The following DOCK8 variants were observed in gnomAD, a reference collection of about 807,000 sequenced individuals.
The protein encoded by DOCK8 is dedicator of cytokinesis protein 8.
DOCK8 carries 141 observed loss-of-function variants against 245.6 expected under a neutral mutation model. That is an observed-to-expected ratio of 0.57 (90% CI 0.50 to 0.66). The LOEUF is 0.66. Among genes scored for constraint, DOCK8 ranks in the 30% least tolerant of loss-of-function variants. The probability of loss-of-function intolerance (pLI) is 0.00; values close to 1 mark genes in which losing one functional copy is unlikely to be tolerated. For synonymous variants in DOCK8, 1,168 were observed against 970.2 expected (o/e 1.20, Z -3.79); for missense variants, 2,965 against 2,603.4 (o/e 1.14, Z -3.02).
At position 446,221 on chromosome 9, in the gene DOCK8, G is replaced by C. The variant is rs956337403; in HGVS notation, c.5581-149G>C. The C allele has an allele frequency of 2.0e-5, 15 of 743,576 alleles. No homozygotes were observed. The Admixed American group carries it at 2.1e-4, about 10-fold the overall frequency. 46.1% of individuals were successfully genotyped at this position (743,576 alleles called of 1,614,324 possible). ...TTGGGGGTGGAGAGGAGGAACTTCT[G>C]CTGGCCACATTCTCCCCTGCATCTG... On this transcript the variant is annotated intron_variant, in intron 43 of 47. Transcript: ENST00000432829.
intron 1 of DOCK8, among the ~76,000 whole-genome samples, chr9:219,774 G>A (rs575307): frequency 0.53 from 79,768 of 151,854 alleles, 21,620 homozygotes; most frequent in East Asian, 0.74. Context: ...GCTTGCACCT[G>A]TAGTCCCAGC....
intron 43 of DOCK8, among the ~76,000 whole-genome samples, chr9:444,136 A>G (rs2057174567): frequency 6.6e-6 from 1 of 151,912 alleles, no homozygotes; most frequent in Non-Finnish European, 1.5e-5. Context: ...TCACCCCAAA[A>G]TGGGTGTACA....
intron 31 of DOCK8, 51 bp downstream of exon 31, chr9:420,634 A>G (rs369455281): frequency 4.4e-6 from 7 of 1,608,050 alleles, no homozygotes; most frequent in South Asian, 1.1e-5. Context: ...CTCAATTGCA[A>G]TTCTGTCTTC....
At chr9:244,484 C>T (rs929847266) in intron 1 of DOCK8, among the ~76,000 whole-genome samples, 6 of 152,194 alleles carry the variant, frequency 3.9e-5, no homozygotes, top group African/African-American at 1.4e-4. Context: ...CTGTTTCTTC[C>T]TAGTACTTGT....
intron 2 of DOCK8, among the ~76,000 whole-genome samples, chr9:272,508 C>G (rs2048190653): frequency 6.6e-6 from 1 of 152,150 alleles, no homozygotes; most frequent in African/African-American, 2.4e-5. Flanking sequence ...ACCTCATCCT[C>G]CCAAGTAGCC....
In DOCK8 at chr9:405,050, C is replaced by G. The variant is rs2131535674; in HGVS notation, c.3367C>G (p.Pro1123Ala). The G allele has an allele frequency of 2.5e-6, 4 of 1,613,832 alleles. No individual in the cohort carries two copies. The highest frequency in any genetic ancestry group is 3.4e-6 in the Non-Finnish European group (4 of 1,179,910). ...FMNADTAPTS[P>A]CPSISSQNSS... ...GAATGCTGATACTGCTCCAACATCT[C>G]CTTGTCCTTCCATATCTTCCCAGGT... is the stretch of plus-strand genomic sequence containing the variant. The change falls in exon 27 of 48, where the codon CCT (proline) becomes GCT (alanine). Residue 1123 changes from proline (P) to alanine (A), a missense_variant. Coordinates refer to ENST00000432829, the MANE Select transcript of DOCK8 (RefSeq NM_203447.4).
chr9:458,607 C>T (rs1055656133), intron 46 of DOCK8, among the ~76,000 whole-genome samples: 39 of 151,816 alleles, frequency 2.6e-4, no homozygotes, highest in African/African-American at 9.2e-4. Flanking sequence ...CTCACAAGTT[C>T]GAGACCAGCC....
intron 23 of DOCK8, among the ~76,000 whole-genome samples, chr9:389,005 A>G (rs2054072662): frequency 6.6e-6 from 1 of 151,778 alleles, no homozygotes; most frequent in African/African-American, 2.4e-5. Flanking sequence ...TCTTACCAGA[A>G]AAAAAAAATG....
At chr9:390,909 C>T (rs1003734514) in intron 24 of DOCK8, among the ~76,000 whole-genome samples, 13 of 152,300 alleles carry the variant, frequency 8.5e-5, no homozygotes, top group Admixed American at 8.5e-4. Flanking sequence ...CAATACTAAA[C>T]AGAGAATGTC....
chr9:375,007 G>T (rs189669838), intron 18 of DOCK8, among the ~76,000 whole-genome samples: 2 of 152,168 alleles, frequency 1.3e-5, no homozygotes, highest in East Asian at 3.9e-4. Flanking sequence ...TGACATGCTG[G>T]GATATAAGGC....
intron 1 of DOCK8, among the ~76,000 whole-genome samples, chr9:266,969 A>C (rs2048047789): frequency 6.6e-6 from 1 of 152,172 alleles, no homozygotes; most frequent in African/African-American, 2.4e-5. Flanking sequence ...CTGCATGGAA[A>C]CGGAACCTGT....
At chr9:409,597 C>T (rs1286533614) in intron 28 of DOCK8, among the ~76,000 whole-genome samples, 2 of 151,762 alleles carry the variant, frequency 1.3e-5, no homozygotes, top group African/African-American at 4.8e-5. Flanking sequence ...TTATTATTAT[C>T]ATACTTTAAG....
At chr9:376,477 G>C (rs533993630) in intron 19 of DOCK8, among the ~76,000 whole-genome samples, 172 bp downstream of exon 19, 2 of 152,302 alleles carry the variant, frequency 1.3e-5, no homozygotes, top group South Asian at 4.1e-4. Flanking sequence ...CATTGGAATA[G>C]AAAGACCTTA....
intron 3 of DOCK8, among the ~76,000 whole-genome samples, chr9:288,103 T>C (rs1272807235): frequency 1.3e-5 from 2 of 152,160 alleles, no homozygotes; most frequent in South Asian, 4.1e-4. Context: ...TTTCTTTACT[T>C]AGCATCAGTT....
intron 26 of DOCK8, among the ~76,000 whole-genome samples, chr9:404,706 A>G (rs550154304): frequency 7.9e-5 from 12 of 152,334 alleles, no homozygotes; most frequent in Admixed American, 7.8e-4. Context: ...CTGGACAGCT[A>G]CTAGGCTAGA....
Position 382,701 on chromosome 9 carries a change from A to C in DOCK8, c.2778+16A>C. 6.2e-7 allele frequency: 1 copy of C among 1,614,058 alleles called. No individual in the cohort carries two copies. The highest frequency in any genetic ancestry group is 8.5e-7 in the Non-Finnish European group (1 of 1,179,998). On this transcript the variant is annotated intron_variant, in intron 22 of 47. Transcript: ENST00000432829. Reference sequence around the variant, plus strand: ...GTCTTCAAAGGTAGGAAAGATGTCAAACCGTGGAAGGGGACACAGGCTTTT... The same window carrying C: ...GTCTTCAAAGGTAGGAAAGATGTCACACCGTGGAAGGGGACACAGGCTTTT...
intron 14 of DOCK8, among the ~76,000 whole-genome samples, chr9:349,288 A>G (rs2052048354): frequency 6.6e-6 from 1 of 151,278 alleles, no homozygotes; most frequent in African/African-American, 2.4e-5. Flanking sequence ...ACTGGTGTCA[A>G]CAACAGAAAG....
At chr9:414,980 A>G in intron 29 of DOCK8, 29 bp downstream of exon 29, 2 of 1,611,936 alleles carry the variant, frequency 1.2e-6, no homozygotes. Flanking sequence ...TCTTTCTTGG[A>G]TTGTTGGGGG....
At chr9:235,773 A>G (rs565970078) in intron 1 of DOCK8, among the ~76,000 whole-genome samples, 65 of 152,248 alleles carry the variant, frequency 4.3e-4, no homozygotes, top group Middle Eastern at 6.8e-3. Flanking sequence ...TTAGGGTGGG[A>G]GTGACCCGAT....
Sources: allele counts gnomAD v4.1 joint callset (sites outside exome capture counted in the v4.1 genomes callset), GRCh38; gene constraint gnomAD v4.1.1; transcripts MANE v1.5; gene names NCBI Gene and HGNC (gene_info 2026-07-23, HGNC 2026-07-21).